SH3GL2: variants seen among roughly 807,000 people sequenced by gnomAD.
SH3GL2 encodes the protein SH3 domain containing GRB2 like 2, endophilin A1, also known as endophilin-A1.
Under a neutral mutation model 46.0 loss-of-function variants are expected in SH3GL2, and 24 were observed. That is an observed-to-expected ratio of 0.52 (90% CI 0.38 to 0.73). The LOEUF (loss-of-function observed/expected upper bound fraction) is 0.73, where lower values mean the gene tolerates loss of function less well. Among genes scored for constraint, SH3GL2 ranks in the 30% least tolerant of loss-of-function variants. The pLI, the probability that SH3GL2 is intolerant of heterozygous loss-of-function variation, is 0.00. For synonymous variants in SH3GL2, 196 were observed against 147.1 expected, an observed-to-expected ratio of 1.33 and a Z score of -2.40; for missense variants, 413 against 424.2, an observed-to-expected ratio of 0.97 and a Z score of 0.23.
chr9:17,677,663 G>A (rs1261269324), intron 1 of SH3GL2, among the ~76,000 whole-genome samples: 3 of 151,450 alleles, frequency 2.0e-5, no homozygotes, highest in South Asian at 2.1e-4. Flanking sequence ...AAGTTTTAGG[G>A]TACATGTGCA....
At chr9:17,768,730 C>T (rs1823390425) in intron 3 of SH3GL2, among the ~76,000 whole-genome samples, 1 of 152,182 alleles carries the variant, frequency 6.6e-6, no homozygotes, top group Non-Finnish European at 1.5e-5. Flanking sequence ...TGTCTTCTCA[C>T]CATCCCTCCT....
At chr9:17,689,034 C>T (rs1485976301) in intron 1 of SH3GL2, among the ~76,000 whole-genome samples, 1 of 152,060 alleles carries the variant, frequency 6.6e-6, no homozygotes, top group Non-Finnish European at 1.5e-5. Context: ...CTACCCCAGC[C>T]AGGTGATCAA....
At chr9:17,681,935 T>C (rs1395022187) in intron 1 of SH3GL2, among the ~76,000 whole-genome samples, 1 of 151,686 alleles carries the variant, frequency 6.6e-6, no homozygotes. Context: ...AACAAACATA[T>C]GAAAAAAAGC....
chr9:17,713,003 T>C (rs1014097074), intron 1 of SH3GL2, among the ~76,000 whole-genome samples: 5 of 151,674 alleles, frequency 3.3e-5, no homozygotes, highest in Non-Finnish European at 7.4e-5. Context: ...AGGATGATGT[T>C]AGCTATACAT....
chr9:17,772,647 A>C (rs1823520533), intron 3 of SH3GL2, among the ~76,000 whole-genome samples: 1 of 152,160 alleles, frequency 6.6e-6, no homozygotes, highest in Admixed American at 6.5e-5. Context: ...CCCAAGGTTT[A>C]CTTATGTAAT....
chr9:17,635,618 T>C (rs561977838), intron 1 of SH3GL2, among the ~76,000 whole-genome samples: 1 of 152,320 alleles, frequency 6.6e-6, no homozygotes, highest in African/African-American at 2.4e-5. Context: ...TGCACTGTTC[T>C]TGACCTCACA....
chr9:17,778,181 C>T lies in SH3GL2; in HGVS notation c.188-8200C>T, dbSNP rs373211092. On this transcript the variant is annotated intron_variant, in intron 3 of 8. Coordinates refer to ENST00000380607, the MANE Select transcript of SH3GL2 (RefSeq NM_003026.5). ...CATCATTTGTAATCCTCACAATAAA[C>T]CCAGCAAGGTAGCTTTGATTTTCTC... Among the ~76,000 whole-genome samples, 147 of 152,256 alleles carry T rather than the reference C, an allele frequency of 9.7e-4. 1 individual carries two copies. In the South Asian group the frequency reaches 0.029, roughly 30 times the overall value.
In SH3GL2 at chr9:17,613,131, C is replaced by A. The variant is rs183408945; in HGVS notation, c.45+33844C>A. The stretch of plus-strand genomic sequence containing the variant: ...TGTCTAAATACGGTCTTTTATTGTA[C>A]AATAACATTCAATAAGAGTAATTTC... On this transcript the variant is annotated intron_variant, in intron 1 of 8. Coordinates refer to ENST00000380607, the MANE Select transcript of SH3GL2 (RefSeq NM_003026.5). 1.1e-4 allele frequency among the ~76,000 whole-genome samples: 17 copies of A among 152,214 alleles called. No individual in the cohort carries two copies. The East Asian group carries it at 3.3e-3, about 29-fold the overall frequency.
At chr9:17,622,100 T>G (rs1819154822) in intron 1 of SH3GL2, among the ~76,000 whole-genome samples, 1 of 152,216 alleles carries the variant, frequency 6.6e-6, no homozygotes, top group Admixed American at 6.5e-5. Flanking sequence ...TATTTTTCAT[T>G]TGGAAATTTC....
chr9:17,611,665 T>C lies in SH3GL2; in HGVS notation c.45+32378T>C, dbSNP rs566990923. Among the ~76,000 whole-genome samples the C allele has an allele frequency of 7.9e-5, 12 of 152,360 alleles. No individual in the cohort carries two copies. In the South Asian group the frequency reaches 2.5e-3, roughly 32 times the overall value. On this transcript the variant is annotated intron_variant, in intron 1 of 8. Transcript: ENST00000380607. ...GGATCCCTGAGACATGGACTAAAGC[T>C]TTTAATGCCTCTCAGAATATGTCTG... is the stretch of plus-strand genomic sequence containing the variant.
intron 1 of SH3GL2, among the ~76,000 whole-genome samples, chr9:17,745,933 A>G (rs1232169678): frequency 6.6e-6 from 1 of 152,178 alleles, no homozygotes; most frequent in African/African-American, 2.4e-5. Flanking sequence ...TATCTTTACA[A>G]TTAGGGTATT....
At chr9:17,695,258 G>T (rs912173998) in intron 1 of SH3GL2, among the ~76,000 whole-genome samples, 2 of 152,082 alleles carry the variant, frequency 1.3e-5, no homozygotes, top group African/African-American at 4.8e-5. Context: ...AAAGTGAAAT[G>T]CGATCCCTTT....
At chr9:17,755,776 G>A (rs1822970859) in intron 2 of SH3GL2, 3 of 985,070 alleles carry the variant, frequency 3.0e-6, no homozygotes, top group Non-Finnish European at 3.6e-6. Flanking sequence ...ACGCCACGCT[G>A]TTCACGAGTC....
intron 1 of SH3GL2, among the ~76,000 whole-genome samples, chr9:17,618,848 A>C (rs567984452): frequency 1.3e-5 from 2 of 151,960 alleles, no homozygotes; most frequent in South Asian, 4.2e-4. Context: ...AATAGAAGAA[A>C]GGAGAGAGGA....
intron 1 of SH3GL2, among the ~76,000 whole-genome samples, chr9:17,700,407 T>C (rs567793190): frequency 3.3e-5 from 5 of 152,284 alleles, no homozygotes; most frequent in Admixed American, 2.6e-4. Context: ...CCTAAAGCAA[T>C]ACCCTAAGAC....
At chr9:17,727,595 A>T (rs1822055592) in intron 1 of SH3GL2, among the ~76,000 whole-genome samples, 1 of 151,790 alleles carries the variant, frequency 6.6e-6, no homozygotes, top group South Asian at 2.1e-4. Context: ...TTGGAACTTC[A>T]GTTCTTCCTG....
chr9:17,682,153 G>A lies in SH3GL2; in HGVS notation c.46-64913G>A, dbSNP rs528371883. 5.3e-5 allele frequency among the ~76,000 whole-genome samples: 8 copies of A among 152,082 alleles called. No homozygotes were observed. The East Asian group carries it at 1.2e-3, about 22-fold the overall frequency. On this transcript the variant is annotated intron_variant, in intron 1 of 8. Transcript: ENST00000380607. ...CAACCATTTTGGAAGACAGTGTGGC[G>A]ATTCCTCAAGGATCTACAACCAGAA...
chr9:17,682,213 T>C (rs1327135777), intron 1 of SH3GL2, among the ~76,000 whole-genome samples: 1 of 152,124 alleles, frequency 6.6e-6, no homozygotes, highest in Non-Finnish European at 1.5e-5. Flanking sequence ...TTACTAGATA[T>C]ATACCCAAAG....
At chr9:17,787,635 T>A in intron 5 of SH3GL2, 122 bp downstream of exon 5, 1 of 723,828 alleles carries the variant, frequency 1.4e-6, no homozygotes, top group Non-Finnish European at 2.3e-6. Flanking sequence ...GCACGTTAAT[T>A]ACAAAACAAC....
Sources: allele counts gnomAD v4.1 joint callset (sites outside exome capture counted in the v4.1 genomes callset), GRCh38; gene constraint gnomAD v4.1.1; transcripts MANE v1.5; gene names NCBI Gene and HGNC (gene_info 2026-07-23, HGNC 2026-07-21).